PRKAR1A: variants seen among roughly 807,000 people sequenced by gnomAD.
The protein encoded by PRKAR1A is protein kinase cAMP-dependent type I regulatory subunit alpha.
In PRKAR1A, 3 loss-of-function variants were observed where a neutral mutation model predicts 52.0. The observed-to-expected ratio is 0.06, with a 90% CI of 0.03 to 0.15. The LOEUF (loss-of-function observed/expected upper bound fraction) is 0.15. PRKAR1A is among the 10% of genes least tolerant of loss of function. The probability of loss-of-function intolerance (pLI) is 1.00; values close to 1 mark genes in which losing one functional copy is unlikely to be tolerated. For synonymous variants in PRKAR1A, 188 were observed against 168.4 expected (o/e 1.12, Z -0.90); for missense variants, 240 against 477.4 (o/e 0.50, Z 4.63).
chr17:68,482,604 A>T, the PRKAR1A span, among the ~76,000 whole-genome samples: 4 of 152,316 alleles, frequency 2.6e-5, no homozygotes, highest in East Asian at 7.7e-4. Flanking sequence ...CTGGGGCAAT[A>T]ACCCTAGACA....
the PRKAR1A span, among the ~76,000 whole-genome samples, chr17:68,425,478 C>T: frequency 1.3e-5 from 2 of 151,566 alleles, no homozygotes; most frequent in South Asian, 2.1e-4. Flanking sequence ...GCCTCGGCCT[C>T]CCAAAGTGCT....
At chr17:68,421,844 C>G in the PRKAR1A span, 1 of 1,614,102 alleles carries the variant, frequency 6.2e-7, no homozygotes, top group East Asian at 2.2e-5. Flanking sequence ...AACAGAATGG[C>G]CTTACTCTTC....
At chr17:68,455,871 T>C in the PRKAR1A span, among the ~76,000 whole-genome samples, 1 of 152,216 alleles carries the variant, frequency 6.6e-6, no homozygotes, top group Non-Finnish European at 1.5e-5. Flanking sequence ...TAACCCCCTT[T>C]CTTAACTTGT....
the PRKAR1A span, among the ~76,000 whole-genome samples, chr17:68,499,322 T>C: frequency 4.0e-5 from 6 of 151,826 alleles, no homozygotes; most frequent in East Asian, 7.8e-4. Flanking sequence ...TTCCTCATTC[T>C]TCTTATATCA....
the PRKAR1A span, among the ~76,000 whole-genome samples, chr17:68,478,701 A>G: frequency 2.0e-5 from 3 of 148,736 alleles, no homozygotes; most frequent in Admixed American, 6.7e-5. Flanking sequence ...GTTAAACCCT[A>G]TGGTTTTAGT....
chr17:68,488,734 CAAAA>C, the PRKAR1A span, among the ~76,000 whole-genome samples: 5 of 42,792 alleles, frequency 1.2e-4, no homozygotes, highest in African/African-American at 2.6e-4. Context: ...CATCTCAAAA[CAAAA>C]AAAAAAAAAA....
Position 68,533,103 on chromosome 17 carries a change from G to C in PRKAR1A, c.*2654G>C, listed in dbSNP as rs1217047080. On this transcript the variant is annotated 3_prime_UTR_variant, in exon 11 of 11. Coordinates refer to ENST00000589228, the MANE Select transcript of PRKAR1A (RefSeq NM_002734.5). Reference sequence around the variant, plus strand: ...ACTTAATGGGGAAACATCATTTCTAGATTAGCATACTCTTTGGTTTAAATT... The same window carrying C: ...ACTTAATGGGGAAACATCATTTCTACATTAGCATACTCTTTGGTTTAAATT... The C allele has an allele frequency of 9.4e-7, 1 of 1,064,952 alleles. No homozygotes were observed. The highest frequency in any genetic ancestry group is 5.0e-5 in the East Asian group (1 of 19,996). The allele number at this position is 1,064,952 out of a possible 1,614,324, so 66.0% of individuals were successfully genotyped here.
At chr17:68,486,090 GAACTGTTGATTCATC>G in the PRKAR1A span, among the ~76,000 whole-genome samples, 1 of 152,064 alleles carries the variant, frequency 6.6e-6, no homozygotes, top group East Asian at 1.9e-4. Flanking sequence ...GTGATTCAGT[GAACTGTTGATTCATC>G]AAAGGGAAAG....
chr17:68,426,241 G>A, the PRKAR1A span: 720 of 1,107,558 alleles, frequency 6.5e-4, 36 homozygotes, highest in African/African-American at 0.011. Context: ...GACCTGGCGG[G>A]TGGGGAGCGG....
chr17:68,484,396 A>G, the PRKAR1A span, among the ~76,000 whole-genome samples: 2 of 151,832 alleles, frequency 1.3e-5, no homozygotes, highest in Non-Finnish European at 2.9e-5. Flanking sequence ...ATAGAAATTC[A>G]ATTAATTTTT....
chr17:68,499,622 A>T, the PRKAR1A span, among the ~76,000 whole-genome samples: 1 of 152,242 alleles, frequency 6.6e-6, no homozygotes, highest in Admixed American at 6.5e-5. Context: ...GTTTATTTCA[A>T]GGTGGAAAAT....
chr17:68,426,254 G>GGGGGGGGGGGGGGGGGGGGCCCCCCCC, the PRKAR1A span: 1 of 816,924 alleles, frequency 1.2e-6, no homozygotes, highest in Non-Finnish European at 1.9e-6. Flanking sequence ...GGGAGCGGGG[G>GGGGGGGGGGGGGGGGGGGGCCCCCCCC]CTCAAATAAA....
the PRKAR1A span, chr17:68,433,456 C>CGG: frequency 6.2e-7 from 1 of 1,612,038 alleles, no homozygotes; most frequent in Non-Finnish European, 8.5e-7. Flanking sequence ...TGGTGCCCCG[C>CGG]GGAGTACTTG....
chr17:68,472,782 C>T, the PRKAR1A span, among the ~76,000 whole-genome samples: 1 of 147,810 alleles, frequency 6.8e-6, no homozygotes, highest in South Asian at 2.1e-4. Flanking sequence ...CCTGTCTGTA[C>T]TAAAAATACA....
the PRKAR1A span, among the ~76,000 whole-genome samples, chr17:68,463,206 G>A: frequency 1.3e-5 from 2 of 152,110 alleles, no homozygotes; most frequent in Admixed American, 6.5e-5. Flanking sequence ...TGGTTGGGGG[G>A]ACACCTCAGG....
the PRKAR1A span, among the ~76,000 whole-genome samples, chr17:68,442,683 G>T: frequency 2.6e-5 from 4 of 152,120 alleles, no homozygotes; most frequent in African/African-American, 9.7e-5. Context: ...GCCCAGCTCA[G>T]GCCCTGCCAG....
At chr17:68,543,414 C>A (rs904848528) in intron 11 of PRKAR1A, among the ~76,000 whole-genome samples, 6 of 152,186 alleles carry the variant, frequency 3.9e-5, no homozygotes, top group African/African-American at 1.4e-4. Context: ...GTAAATTGTT[C>A]TTTTCGTTAC....
the PRKAR1A span, among the ~76,000 whole-genome samples, chr17:68,493,307 G>A: frequency 6.6e-6 from 1 of 152,244 alleles, no homozygotes; most frequent in South Asian, 2.1e-4. Context: ...GAAGGGAAAA[G>A]AAAGCTTTAG....
intron 2 of PRKAR1A, among the ~76,000 whole-genome samples, chr17:68,516,932 T>A (rs1209418203): frequency 7.2e-5 from 11 of 152,228 alleles, no homozygotes; most frequent in Admixed American, 7.2e-4. Context: ...GTGATCCCTC[T>A]TCTTTGGACA....
Sources: gnomAD v4.1 joint callset for allele counts (sites outside exome capture counted in the v4.1 genomes callset) on GRCh38, gnomAD v4.1.1 for gene constraint, MANE v1.5 for transcripts, NCBI Gene and HGNC (gene_info 2026-07-23, HGNC 2026-07-21) for gene names.